Variants in NOL4 observed in about 807,000 individuals in gnomAD.
The protein encoded by NOL4 is cancer/testis antigen 125.
In NOL4, 17 loss-of-function variants were observed where a neutral mutation model predicts 75.9. The ratio of observed to expected loss-of-function variants is 0.22; its 90% CI spans 0.15 to 0.34. NOL4 has a LOEUF of 0.34. Ranked by LOEUF, NOL4 falls within the 10% of genes least tolerant of loss-of-function variation. The probability of loss-of-function intolerance (pLI) is 1.00; values close to 1 mark genes in which losing one functional copy is unlikely to be tolerated. For missense variants in NOL4, 614 were observed against 793.5 expected, an observed-to-expected ratio of 0.77 and a Z score of 2.72; for synonymous variants, 292 against 289.9, an observed-to-expected ratio of 1.01 and a Z score of -0.07.
intron 9 of NOL4, among the ~76,000 whole-genome samples, chr18:33,928,455 A>G (rs145389523): frequency 3.7e-3 from 560 of 152,262 alleles, no homozygotes; most frequent in South Asian, 8.9e-3. Flanking sequence ...AACATCAGAA[A>G]TTGTGGCTCA....
chr18:33,873,056 T>C (rs964521192), intron 10 of NOL4, among the ~76,000 whole-genome samples: 8 of 152,134 alleles, frequency 5.3e-5, no homozygotes, highest in Non-Finnish European at 1.0e-4. Context: ...AATAACTGCA[T>C]AATTCCAGTT....
intron 1 of NOL4, among the ~76,000 whole-genome samples, chr18:34,147,115 T>G (rs1210319105): frequency 6.6e-6 from 1 of 152,190 alleles, no homozygotes; most frequent in Non-Finnish European, 1.5e-5. Flanking sequence ...AAGGAGATTT[T>G]GGGCTGAGAC....
intron 8 of NOL4, among the ~76,000 whole-genome samples, chr18:33,949,428 A>C (rs2069058737): frequency 6.6e-6 from 1 of 152,094 alleles, no homozygotes; most frequent in Non-Finnish European, 1.5e-5. Flanking sequence ...TTTCCTGGGA[A>C]CTGAGACCTG....
At chr18:34,221,922 G>T (rs886631951) in intron 1 of NOL4, 3 of 976,880 alleles carry the variant, frequency 3.1e-6, no homozygotes, top group African/African-American at 1.6e-5. Flanking sequence ...AGTACAGGAG[G>T]GGGGAAAGGA....
intron 5 of NOL4, among the ~76,000 whole-genome samples, chr18:34,077,512 C>A (rs184061685): frequency 2.6e-5 from 4 of 151,918 alleles, no homozygotes; most frequent in Non-Finnish European, 4.4e-5. Context: ...TATATGTATA[C>A]ATATTTAAAG....
intron 9 of NOL4, among the ~76,000 whole-genome samples, chr18:33,884,469 T>A (rs2064512880): frequency 6.6e-6 from 1 of 152,150 alleles, no homozygotes; most frequent in South Asian, 2.1e-4. Context: ...CATGTCAAAC[T>A]GTGAGGAAAT....
chr18:34,000,908 TAG>T (rs773755159), intron 6 of NOL4, among the ~76,000 whole-genome samples: 4 of 152,118 alleles, frequency 2.6e-5, no homozygotes, highest in Non-Finnish European at 5.9e-5. Context: ...AAACATGACT[TAG>T]AGAGAGATGG....
intron 1 of NOL4, among the ~76,000 whole-genome samples, chr18:34,212,287 T>A (rs934356800): frequency 6.6e-6 from 1 of 152,228 alleles, no homozygotes; most frequent in Non-Finnish European, 1.5e-5. Context: ...AGAGCTTACA[T>A]CTTTTACTAA....
intron 1 of NOL4, among the ~76,000 whole-genome samples, chr18:34,176,781 G>A (rs777171269): frequency 6.6e-5 from 10 of 152,012 alleles, no homozygotes; most frequent in Non-Finnish European, 1.5e-4. Flanking sequence ...TTAGACTTGC[G>A]TTTCCAGAAC....
intron 6 of NOL4, among the ~76,000 whole-genome samples, chr18:33,980,395 A>G (rs1181135483): frequency 6.6e-6 from 1 of 152,084 alleles, no homozygotes; most frequent in Non-Finnish European, 1.5e-5. Flanking sequence ...ATATCAGATA[A>G]AAATACCCTT....
At chr18:34,066,544 C>T (rs1269416453) in intron 5 of NOL4, among the ~76,000 whole-genome samples, 2 of 152,066 alleles carry the variant, frequency 1.3e-5, no homozygotes, top group Admixed American at 1.3e-4. Context: ...ACACTGTACA[C>T]CCCAACCTTT....
At chr18:33,888,931 T>C (rs969913795) in intron 9 of NOL4, among the ~76,000 whole-genome samples, 6 of 151,886 alleles carry the variant, frequency 4.0e-5, no homozygotes, top group African/African-American at 1.2e-4. Flanking sequence ...AGATCTAAAA[T>C]CGACATCCTA....
intron 6 of NOL4, among the ~76,000 whole-genome samples, chr18:33,963,246 C>T (rs371955338): frequency 3.3e-5 from 5 of 152,202 alleles, no homozygotes; most frequent in Admixed American, 6.5e-5. Flanking sequence ...AGATAAGAAC[C>T]AACACATATC....
At chr18:34,144,545 G>A (rs991525946) in intron 1 of NOL4, among the ~76,000 whole-genome samples, 42 of 151,988 alleles carry the variant, frequency 2.8e-4, no homozygotes, top group African/African-American at 8.9e-4. Flanking sequence ...TTTGTAAATC[G>A]AGTTAGTGAT....
intron 1 of NOL4, among the ~76,000 whole-genome samples, chr18:34,137,008 C>A (rs1289098722): frequency 6.6e-6 from 1 of 152,088 alleles, no homozygotes; most frequent in African/African-American, 2.4e-5. Flanking sequence ...ATAAAGCCTT[C>A]CATTTATTCA....
At chr18:34,104,006 C>T (rs75344802) in intron 4 of NOL4, 41 bp downstream of exon 4, 1 of 1,343,146 alleles carries the variant, frequency 7.4e-7, no homozygotes. Context: ...AAGCTTCGTT[C>T]CAATTTGTAA....
intron 2 of NOL4, among the ~76,000 whole-genome samples, chr18:34,109,587 C>G (rs2079484553): frequency 6.6e-6 from 1 of 151,386 alleles, no homozygotes; most frequent in Non-Finnish European, 1.5e-5. Flanking sequence ...TCTCAAATAA[C>G]CTAGCTTTAT....
intron 5 of NOL4, among the ~76,000 whole-genome samples, chr18:34,084,398 T>C (rs1266262486): frequency 6.6e-6 from 1 of 152,112 alleles, no homozygotes. Flanking sequence ...GCCCCGCCCG[T>C]CGAGGATAAG....
At chr18:33,911,347 T>C (rs1403590465) in intron 9 of NOL4, among the ~76,000 whole-genome samples, 1 of 152,110 alleles carries the variant, frequency 6.6e-6, no homozygotes, top group Non-Finnish European at 1.5e-5. Context: ...TTCCCTCTGC[T>C]TTTTCTCTTT....
Sources: gnomAD v4.1 joint callset for allele counts (sites outside exome capture counted in the v4.1 genomes callset) on GRCh38, gnomAD v4.1.1 for gene constraint, MANE v1.5 for transcripts, NCBI Gene and HGNC (gene_info 2026-07-23, HGNC 2026-07-21) for gene names.